Variants in MED27 observed in about 807,000 individuals in gnomAD.
The protein encoded by MED27 is mediator complex subunit 27.
Under a neutral mutation model 38.2 loss-of-function variants are expected in MED27, and 30 were observed. The observed-to-expected ratio is 0.79, with a 90% confidence interval of 0.59 to 1.07. The LOEUF (loss-of-function observed/expected upper bound fraction) is 1.07. Ranked by LOEUF, MED27 falls within the 50% of genes least tolerant of loss-of-function variation. MED27 has a pLI of 0.00. For synonymous variants in MED27, 122 were observed against 153.5 expected (o/e 0.79, Z 1.52); for missense variants, 289 against 397.5 (o/e 0.73, Z 2.32).
chr9:131,870,681 A>AT (rs1040703666), intron 6 of MED27, among the ~76,000 whole-genome samples: 18 of 152,096 alleles, frequency 1.2e-4, no homozygotes, highest in African/African-American at 4.3e-4. Context: ...GAAAAGTGCC[A>AT]TTTCCAGGCC....
At chr9:132,026,055 G>A (rs994453758) in intron 2 of MED27, among the ~76,000 whole-genome samples, 2 of 152,188 alleles carry the variant, frequency 1.3e-5, no homozygotes, top group Admixed American at 6.5e-5. Context: ...CTACTCCAAT[G>A]TGCATGTTCC....
intron 3 of MED27, among the ~76,000 whole-genome samples, chr9:131,962,713 G>A (rs896384009): frequency 6.6e-6 from 1 of 152,168 alleles, no homozygotes; most frequent in East Asian, 1.9e-4. Flanking sequence ...GTTTAAAGTG[G>A]ATGCTTGGAC....
intron 4 of MED27, among the ~76,000 whole-genome samples, chr9:131,925,426 G>A (rs1199609897): frequency 6.6e-6 from 1 of 152,132 alleles, no homozygotes; most frequent in Non-Finnish European, 1.5e-5. Flanking sequence ...AAATGTAAGA[G>A]CAGGACTGTT....
chr9:131,970,683 T>TGA (rs1430704398), intron 3 of MED27, among the ~76,000 whole-genome samples: 4 of 152,076 alleles, frequency 2.6e-5, no homozygotes, highest in Non-Finnish European at 5.9e-5. Flanking sequence ...ACATGCGAAA[T>TGA]GAGAACTGGC....
intron 3 of MED27, among the ~76,000 whole-genome samples, chr9:131,968,809 CA>C (rs1243395530): frequency 2.6e-5 from 4 of 152,160 alleles, no homozygotes; most frequent in Non-Finnish European, 5.9e-5. Context: ...GGCGAGCGAG[CA>C]AAGCTTCATC....
intron 4 of MED27, among the ~76,000 whole-genome samples, chr9:131,938,674 A>G (rs35343125): frequency 0.25 from 38,262 of 152,012 alleles, 5,259 homozygotes; most frequent in East Asian, 0.38. Flanking sequence ...CTTCAAATAC[A>G]TAATATTCTG....
intron 4 of MED27, among the ~76,000 whole-genome samples, chr9:131,900,448 C>G (rs1231549388): frequency 6.6e-6 from 1 of 152,200 alleles, no homozygotes. Flanking sequence ...AAAAACCTAA[C>G]AAATCTGGTG....
intron 3 of MED27, among the ~76,000 whole-genome samples, chr9:131,955,974 T>C (rs1831087398): frequency 6.6e-6 from 1 of 152,004 alleles, no homozygotes; most frequent in South Asian, 2.1e-4. Flanking sequence ...GATACAAAAT[T>C]CCTTAATAAA....
At chr9:131,941,886 C>T (rs34205698) in intron 3 of MED27, among the ~76,000 whole-genome samples, 37,428 of 136,288 alleles carry the variant, frequency 0.27, 5,093 homozygotes, top group East Asian at 0.39. Context: ...AGTGCAGTGG[C>T]GCAATCTCAG....
rs74311515 is a variant in MED27, at chr9:131,905,541, G to A, written c.574-11549C>T. 3.0e-3 allele frequency among the ~76,000 whole-genome samples: 458 copies of A among 152,056 alleles called. 18 individuals carry two copies. The East Asian group carries it at 0.083, about 28-fold the overall frequency. On this transcript the variant is annotated intron_variant, in intron 4 of 7. Coordinates refer to ENST00000292035, the MANE Select transcript of MED27 (RefSeq NM_004269.4). ...ATACTGCTTAGGCCAACAAAACTGCGTCCTTCCAGGACCAGGTACGGTGGC... is the reference window on the plus strand; with the variant it reads ...ATACTGCTTAGGCCAACAAAACTGCATCCTTCCAGGACCAGGTACGGTGGC...
At chr9:131,907,730 G>A (rs1245937366) in intron 4 of MED27, among the ~76,000 whole-genome samples, 1 of 151,042 alleles carries the variant, frequency 6.6e-6, no homozygotes, top group Non-Finnish European at 1.5e-5. Context: ...TCTGGAAAGT[G>A]AGGAGCGTCT....
intron 4 of MED27, among the ~76,000 whole-genome samples, chr9:131,903,891 C>CTTTT (rs35837340): frequency 2.4e-5 from 3 of 126,710 alleles, no homozygotes; most frequent in Non-Finnish European, 3.4e-5. Flanking sequence ...CCACACACAG[C>CTTTT]TTTTTTTTTT....
intron 6 of MED27, among the ~76,000 whole-genome samples, chr9:131,876,599 G>A (rs1049251427): frequency 3.9e-5 from 6 of 152,112 alleles, no homozygotes; most frequent in African/African-American, 7.2e-5. Flanking sequence ...TAAGCCTAAC[G>A]ACCCTCCCTG....
rs1463512800 is a variant in MED27 at position 132,029,972 on chromosome 9, G to C, written c.349-15505C>G. The stretch of plus-strand genomic sequence containing the variant: ...TACTAGAGTGGCAGGAGGTAGAAAA[G>C]GGTGGAGTGACATGGGCTGGCTGTG... On this transcript the variant is annotated intron_variant, in intron 2 of 7. Transcript: ENST00000292035. Among the ~76,000 whole-genome samples the C allele has an allele frequency of 3.9e-5, 6 of 152,186 alleles. 1 individual carries two copies. The highest frequency in any genetic ancestry group is 1.5e-5 in the Non-Finnish European group (1 of 68,040).
At chr9:131,933,700 C>T (rs1442247653) in intron 4 of MED27, among the ~76,000 whole-genome samples, 1 of 151,962 alleles carries the variant, frequency 6.6e-6, no homozygotes, top group Non-Finnish European at 1.5e-5. Context: ...GTTAAAATGT[C>T]CATACTACCC....
At chr9:131,895,810 A>G (rs528176659) in intron 4 of MED27, among the ~76,000 whole-genome samples, 1 of 152,240 alleles carries the variant, frequency 6.6e-6, no homozygotes, top group South Asian at 2.1e-4. Flanking sequence ...AAGGATGCCA[A>G]TAAACCATGG....
chr9:131,921,858 T>A (rs28576141), intron 4 of MED27, among the ~76,000 whole-genome samples: 4,387 of 152,232 alleles, frequency 0.029, 88 homozygotes, highest in African/African-American at 0.058. Context: ...AAGGATGAGT[T>A]TCATGTCCTT....
chr9:132,042,612 A>ACT (rs780450809), intron 2 of MED27, among the ~76,000 whole-genome samples: 5 of 152,302 alleles, frequency 3.3e-5, no homozygotes, highest in Non-Finnish European at 5.9e-5. Flanking sequence ...CAAGAAGAAC[A>ACT]CTAAGCATTT....
intron 3 of MED27, among the ~76,000 whole-genome samples, chr9:132,000,942 A>T (rs576686987): frequency 6.6e-6 from 1 of 151,930 alleles, no homozygotes; most frequent in Non-Finnish European, 1.5e-5. Flanking sequence ...TTTACAAAAA[A>T]CTTAAAAATT....
Sources: allele counts gnomAD v4.1 joint callset (sites outside exome capture counted in the v4.1 genomes callset), GRCh38; gene constraint gnomAD v4.1.1; transcripts MANE v1.5; gene names NCBI Gene and HGNC (gene_info 2026-07-23, HGNC 2026-07-21).